Variants in CALD1 observed in about 807,000 individuals in gnomAD.
The protein encoded by CALD1 is caldesmon.
Under a neutral mutation model 99.9 loss-of-function variants are expected in CALD1, and 33 were observed. The observed-to-expected ratio is 0.33, with a 90% CI of 0.25 to 0.44. CALD1 has a LOEUF of 0.44. CALD1 is among the 20% of genes least tolerant of loss of function. The pLI, the probability that CALD1 is intolerant of heterozygous loss-of-function variation, is 1.00. For synonymous variants in CALD1, 310 were observed against 325.0 expected (o/e 0.95, Z 0.50); for missense variants, 861 against 962.1 (o/e 0.89, Z 1.39).
At chr7:134,881,680 T>C (rs1184031772) in intron 3 of CALD1, among the ~76,000 whole-genome samples, 1 of 152,240 alleles carries the variant, frequency 6.6e-6, no homozygotes, top group Non-Finnish European at 1.5e-5. Flanking sequence ...CTTCTAACCC[T>C]GCTGCCTTAT....
intron 1 of CALD1, among the ~76,000 whole-genome samples, chr7:134,761,756 G>T (rs1344707379): frequency 6.6e-6 from 1 of 152,182 alleles, no homozygotes. Flanking sequence ...TATAACATTT[G>T]CCAATTAACT....
intron 1 of CALD1, chr7:134,745,540 G>T (rs577917661): frequency 1.3e-4 from 20 of 152,296 alleles, no homozygotes; most frequent in African/African-American, 4.3e-4. Flanking sequence ...AAAGCAGAAA[G>T]ATTTGGGAGC....
intron 1 of CALD1, among the ~76,000 whole-genome samples, chr7:134,798,790 T>C (rs1797840922): frequency 6.6e-6 from 1 of 152,242 alleles, no homozygotes; most frequent in South Asian, 2.1e-4. Context: ...AAAGAATCTT[T>C]TTAATTCAAT....
chr7:134,880,370 G>C (rs923049261), intron 3 of CALD1, among the ~76,000 whole-genome samples: 9 of 152,134 alleles, frequency 5.9e-5, no homozygotes, highest in African/African-American at 2.2e-4. Flanking sequence ...ACTGTTGGAA[G>C]GTTTTCTGGA....
chr7:134,743,965 A>G (rs554620533), upstream of CALD1, among the ~76,000 whole-genome samples: 254 of 152,326 alleles, frequency 1.7e-3, 2 homozygotes, highest in African/African-American at 5.7e-3. Context: ...GATACAATCA[A>G]TGAAAAATAG....
chr7:134,749,201 A>T (rs1287948062), intron 1 of CALD1, among the ~76,000 whole-genome samples: 2 of 152,238 alleles, frequency 1.3e-5, no homozygotes, highest in African/African-American at 2.4e-5. Flanking sequence ...GATTAGTCTA[A>T]TGAGGCCCAA....
chr7:134,817,486 T>C (rs1798606434), intron 1 of CALD1, among the ~76,000 whole-genome samples: 2 of 152,186 alleles, frequency 1.3e-5, no homozygotes, highest in Admixed American at 1.3e-4. Context: ...CACAACGTTA[T>C]TCAGGTAAGA....
the CALD1 span, among the ~76,000 whole-genome samples, chr7:134,712,831 T>C: frequency 6.6e-6 from 1 of 152,058 alleles, no homozygotes; most frequent in South Asian, 2.1e-4. Flanking sequence ...TGCCTTCGAG[T>C]GGGGTTTACA....
chr7:134,762,895 G>A (rs1316816721), intron 1 of CALD1, among the ~76,000 whole-genome samples: 1 of 152,134 alleles, frequency 6.6e-6, no homozygotes, highest in African/African-American at 2.4e-5. Context: ...CCCACAATTT[G>A]GAAATGAGAT....
chr7:134,919,705 A>G (rs1465978474), intron 3 of CALD1, among the ~76,000 whole-genome samples: 1 of 152,164 alleles, frequency 6.6e-6, no homozygotes, highest in African/African-American at 2.4e-5. Flanking sequence ...CTTCCAAGTA[A>G]TATATCCCCT....
chr7:134,780,379 C>T (rs1797056788), intron 1 of CALD1, among the ~76,000 whole-genome samples: 1 of 150,904 alleles, frequency 6.6e-6, no homozygotes. Flanking sequence ...GATGCCTAGG[C>T]TGGTCTGTTT....
At chr7:134,807,765 T>C (rs1197262845) in intron 1 of CALD1, among the ~76,000 whole-genome samples, 1 of 152,078 alleles carries the variant, frequency 6.6e-6, no homozygotes, top group Non-Finnish European at 1.5e-5. Context: ...GTAGCTGGGA[T>C]TACAGGTGCC....
intron 1 of CALD1, among the ~76,000 whole-genome samples, chr7:134,792,742 C>CG (rs1797590189): frequency 6.6e-6 from 1 of 152,106 alleles, no homozygotes; most frequent in Non-Finnish European, 1.5e-5. Context: ...TATGAATACT[C>CG]GGGGGAGATA....
At chr7:134,929,729 T>C (rs550955977) in intron 4 of CALD1, among the ~76,000 whole-genome samples, 1 of 135,186 alleles carries the variant, frequency 7.4e-6, no homozygotes, top group East Asian at 2.2e-4. Context: ...TTCCATATTT[T>C]TGCAATTGCA....
intron 9 of CALD1, among the ~76,000 whole-genome samples, 187 bp downstream of exon 9, chr7:134,950,701 A>G (rs34960344): frequency 0.025 from 3,832 of 152,276 alleles, 110 homozygotes; most frequent in Non-Finnish European, 0.035. Flanking sequence ...CATGCCTGTA[A>G]TCCCAGCACT....
intron 7 of CALD1, among the ~76,000 whole-genome samples, chr7:134,946,408 CA>C (rs1280386212): frequency 1.3e-5 from 2 of 152,112 alleles, no homozygotes; most frequent in Non-Finnish European, 2.9e-5. Context: ...TATTGTTGTG[CA>C]ACAGATCTCC....
intron 2 of CALD1, among the ~76,000 whole-genome samples, chr7:134,845,989 T>C (rs1726406333): frequency 6.6e-6 from 1 of 152,214 alleles, no homozygotes; most frequent in Admixed American, 6.5e-5. Context: ...CCTGTGAGCC[T>C]TCTCCTACCC....
At chr7:134,729,422 G>A in the CALD1 span, among the ~76,000 whole-genome samples, 1 of 152,194 alleles carries the variant, frequency 6.6e-6, no homozygotes, top group African/African-American at 2.4e-5. Flanking sequence ...TTTAATCTGT[G>A]TCCTCTGCTG....
chr7:134,966,218 C>T (rs761291030), intron 14 of CALD1, among the ~76,000 whole-genome samples: 11 of 152,212 alleles, frequency 7.2e-5, no homozygotes, highest in Non-Finnish European at 1.5e-4. Flanking sequence ...AGCACATCAA[C>T]GGCAACTAGA....
Sources: allele counts gnomAD v4.1 joint callset (sites outside exome capture counted in the v4.1 genomes callset), GRCh38; gene constraint gnomAD v4.1.1; transcripts MANE v1.5; gene names NCBI Gene and HGNC (gene_info 2026-07-23, HGNC 2026-07-21).